PHF20: variants seen among roughly 807,000 people sequenced by gnomAD.
PHF20 encodes PHD finger protein 20.
A neutral mutation model predicts 113.5 loss-of-function variants in PHF20; 23 were observed. The observed-to-expected ratio is 0.20, with a 90% confidence interval of 0.15 to 0.29. The LOEUF (loss-of-function observed/expected upper bound fraction) is 0.29. Among genes scored for constraint, PHF20 ranks in the 10% least tolerant of loss-of-function variants. The probability of loss-of-function intolerance (pLI) is 1.00; values close to 1 mark genes in which losing one functional copy is unlikely to be tolerated. For synonymous variants in PHF20, 434 were observed against 457.3 expected (o/e 0.95, Z 0.65); for missense variants, 943 against 1,219.6 (o/e 0.77, Z 3.38).
intron 6 of PHF20, among the ~76,000 whole-genome samples, chr20:35,864,204 C>T (rs2054271136): frequency 6.6e-6 from 1 of 152,036 alleles, no homozygotes; most frequent in African/African-American, 2.4e-5. Flanking sequence ...ACTGTGAATC[C>T]CCTAGCACGT....
At chr20:35,899,285 C>T (rs1909860693) in intron 9 of PHF20, 85 bp from the exon 10 acceptor site, 4 of 1,117,784 alleles carry the variant, frequency 3.6e-6, no homozygotes, top group Non-Finnish European at 5.1e-6. Flanking sequence ...TAGTCTTTCA[C>T]CCTCAGTTGT....
intron 13 of PHF20, 22 bp downstream of exon 13, chr20:35,917,684 C>A (rs922540386): frequency 1.9e-6 from 3 of 1,604,738 alleles, no homozygotes; most frequent in Non-Finnish European, 2.6e-6. Flanking sequence ...TTCCAGGAAA[C>A]AGGTCTAGAG....
chr20:35,935,834 A>C (rs2055854310), intron 15 of PHF20, among the ~76,000 whole-genome samples: 1 of 152,230 alleles, frequency 6.6e-6, no homozygotes, highest in Non-Finnish European at 1.5e-5. Flanking sequence ...TGGCCCCAGT[A>C]TGTCTCTGTA....
chr20:35,889,391 T>A, intron 9 of PHF20, among the ~76,000 whole-genome samples: 1 of 152,006 alleles, frequency 6.6e-6, no homozygotes, highest in East Asian at 1.9e-4. Flanking sequence ...AGACAGAGTC[T>A]CACTCTGTCA....
At chr20:35,913,735 C>T (rs2147083450) in intron 11 of PHF20, among the ~76,000 whole-genome samples, 1 of 152,318 alleles carries the variant, frequency 6.6e-6, no homozygotes, top group South Asian at 2.1e-4. Context: ...GTCTAGCCCT[C>T]ACAAAAATGT....
intron 7 of PHF20, among the ~76,000 whole-genome samples, chr20:35,869,768 T>C (rs974707504): frequency 2.6e-5 from 4 of 152,352 alleles, no homozygotes; most frequent in Non-Finnish European, 5.9e-5. Flanking sequence ...TTCTGTGGTA[T>C]CATCTCCATA....
intron 2 of PHF20, among the ~76,000 whole-genome samples, chr20:35,803,868 C>A (rs776759892): frequency 1.3e-5 from 2 of 151,490 alleles, no homozygotes; most frequent in Non-Finnish European, 2.9e-5. Flanking sequence ...TCCTCGCCCA[C>A]CCCTGATATA....
rs867423101 is a variant in PHF20 at position 35,814,345 on chromosome 20, G to A, written c.83+12740G>A. On this transcript the variant is annotated intron_variant, in intron 2 of 17. Coordinates refer to ENST00000374012, the MANE Select transcript of PHF20 (RefSeq NM_016436.5). ...CAATTCTCCTGCCTCAGCCTCCCAA[G>A]TAGCTGGGACTACAGGCGCATGCCA... 9.9e-5 allele frequency among the ~76,000 whole-genome samples: 15 copies of A among 151,784 alleles called. No individual in the cohort carries two copies. In the South Asian group the frequency reaches 1.7e-3, roughly 17 times the overall value.
At chr20:35,806,834 C>T (rs1302927471) in intron 2 of PHF20, among the ~76,000 whole-genome samples, 2 of 130,012 alleles carry the variant, frequency 1.5e-5, no homozygotes, top group African/African-American at 2.9e-5. Context: ...CTTGCTCAGT[C>T]GCCCAGGCTG....
chr20:35,916,242 T>A (rs896222846), intron 12 of PHF20, among the ~76,000 whole-genome samples: 5 of 152,248 alleles, frequency 3.3e-5, no homozygotes, highest in Admixed American at 6.5e-5. Flanking sequence ...TCAGTAGACT[T>A]TCAGGGTTGC....
chr20:35,928,081 G>T (rs539564297), intron 14 of PHF20, among the ~76,000 whole-genome samples: 1 of 152,254 alleles, frequency 6.6e-6, no homozygotes, highest in East Asian at 1.9e-4. Flanking sequence ...GTGTGAAGGG[G>T]CCCACCTAGT....
At chr20:35,842,876 C>G in intron 3 of PHF20, 132 bp downstream of exon 3, 1 of 693,816 alleles carries the variant, frequency 1.4e-6, no homozygotes, top group South Asian at 1.9e-5. Context: ...CCTGAGATCT[C>G]TATGACACCT....
At chr20:35,886,470 T>C (rs1040102954) in intron 9 of PHF20, among the ~76,000 whole-genome samples, 3 of 152,194 alleles carry the variant, frequency 2.0e-5, no homozygotes, top group Non-Finnish European at 4.4e-5. Context: ...GCTGAAAAAA[T>C]TATTCCTTCA....
chr20:35,779,104 CG>C (rs2041233871), intron 1 of PHF20, among the ~76,000 whole-genome samples: 1 of 151,494 alleles, frequency 6.6e-6, no homozygotes, highest in African/African-American at 2.4e-5. Flanking sequence ...GGTGCAATCT[CG>C]GCTCACTGCA....
chr20:35,785,103 A>G (rs2041381961), intron 1 of PHF20, among the ~76,000 whole-genome samples: 1 of 151,366 alleles, frequency 6.6e-6, no homozygotes. Context: ...CTTGCTTCTG[A>G]AGTCCCAGCT....
At chr20:35,843,768 A>G (rs1003249743) in intron 3 of PHF20, among the ~76,000 whole-genome samples, 2 of 151,820 alleles carry the variant, frequency 1.3e-5, no homozygotes, top group Non-Finnish European at 2.9e-5. Flanking sequence ...TTATAGAGAC[A>G]GTGTCTCGTA....
chr20:35,870,461 A>G (rs745942003), intron 7 of PHF20, among the ~76,000 whole-genome samples: 2 of 152,162 alleles, frequency 1.3e-5, no homozygotes, highest in Non-Finnish European at 2.9e-5. Context: ...AGCCTGGGTG[A>G]TAGAGTGAGA....
chr20:35,845,483 A>G, intron 3 of PHF20: 1 of 265,258 alleles, frequency 3.8e-6, no homozygotes, highest in South Asian at 3.3e-5. Flanking sequence ...CTCCTTCCTC[A>G]GCCTCCTGAG....
intron 8 of PHF20, 107 bp from the exon 9 acceptor site, chr20:35,871,543 A>C (rs2054421365): frequency 2.3e-6 from 2 of 856,258 alleles, no homozygotes; most frequent in East Asian, 2.7e-5. Context: ...GTTTTAGATT[A>C]ATTCCTTCCT....
Sources: allele counts gnomAD v4.1 joint callset (sites outside exome capture counted in the v4.1 genomes callset), GRCh38; gene constraint gnomAD v4.1.1; transcripts MANE v1.5; gene names NCBI Gene and HGNC (gene_info 2026-07-23, HGNC 2026-07-21).